Variants in DNAJC5 observed in about 807,000 individuals in gnomAD.
DNAJC5 encodes the protein dnaJ homolog subfamily C member 5.
Under a neutral mutation model 23.2 loss-of-function variants are expected in DNAJC5, and 1 was observed. That is an observed-to-expected ratio of 0.04 (90% CI 0.02 to 0.20). The LOEUF (loss-of-function observed/expected upper bound fraction) is 0.20. Ranked by LOEUF, DNAJC5 falls within the 10% of genes least tolerant of loss-of-function variation. The pLI is 1.00. For missense variants in DNAJC5, 180 were observed against 267.0 expected (o/e 0.67, Z 2.27); for synonymous variants, 136 against 120.0 (o/e 1.13, Z -0.87).
intron 1 of DNAJC5, among the ~76,000 whole-genome samples, chr20:63,904,978 A>G (rs534585362): frequency 3.3e-4 from 50 of 150,220 alleles, no homozygotes; most frequent in African/African-American, 1.2e-3. Flanking sequence ...TAATTTTTGT[A>G]TTTTTAGTCT....
chr20:63,897,222 C>T (rs978950983), intron 1 of DNAJC5, among the ~76,000 whole-genome samples: 2 of 152,042 alleles, frequency 1.3e-5, no homozygotes, highest in Non-Finnish European at 2.9e-5. Flanking sequence ...TGGTGAAACC[C>T]CATCTCTACT....
intron 1 of DNAJC5, among the ~76,000 whole-genome samples, chr20:63,924,010 A>G (rs1354067796): frequency 6.6e-6 from 1 of 152,120 alleles, no homozygotes; most frequent in Non-Finnish European, 1.5e-5. Flanking sequence ...TTTCAGTATG[A>G]ATCTATCTGA....
intron 1 of DNAJC5, among the ~76,000 whole-genome samples, chr20:63,895,842 T>G (rs1326214400): frequency 6.6e-6 from 1 of 152,266 alleles, no homozygotes; most frequent in African/African-American, 2.4e-5. Context: ...GCATTTGGTT[T>G]GTTAGAAAAA....
chr20:63,908,240 C>T (rs996868549), intron 1 of DNAJC5, among the ~76,000 whole-genome samples: 4 of 152,202 alleles, frequency 2.6e-5, no homozygotes, highest in African/African-American at 9.6e-5. Context: ...AGGTGGTGGC[C>T]AGCCATCACC....
At chr20:63,910,700 T>G in intron 1 of DNAJC5, among the ~76,000 whole-genome samples, 1 of 149,494 alleles carries the variant, frequency 6.7e-6, no homozygotes, top group African/African-American at 2.5e-5. Flanking sequence ...TGAGACAGAG[T>G]CTGACTCTGT....
Position 63,929,291 on chromosome 20 carries a change from G to A in DNAJC5, c.108-21G>A, listed in dbSNP as rs1325651285. The A allele has an allele frequency of 6.2e-7, 1 of 1,609,096 alleles. No homozygotes were observed. The highest frequency in any genetic ancestry group is 1.1e-5 in the South Asian group (1 of 90,584). On this transcript the variant is annotated intron_variant, in intron 2 of 4. Coordinates refer to ENST00000360864, the MANE Select transcript of DNAJC5 (RefSeq NM_025219.3). This position sits in a 1 kb window ranked among gnomAD's most constrained non-coding sequence, Gnocchi z 8.6. ...TGGAACAAAGTCCAGGGTAGAGCCA[G>A]GACATGGTTTTGGTTTGCAGGAAGC...
At position 63,921,497 on chromosome 20, in the gene DNAJC5, A is replaced by G. The variant is rs188880817; in HGVS notation, c.-11-6838A>G. Among the ~76,000 whole-genome samples the G allele has an allele frequency of 4.5e-3, 687 of 151,810 alleles. 3 individuals are homozygous for G. Among genetic ancestry groups the G allele is most frequent in the African/African-American group, 0.016 (656 of 41,446 alleles). The stretch of plus-strand genomic sequence containing the variant: ...TCCCAGCTACTCAGGAGGCTGAGGC[A>G]GAAGAATGGCGTGAACCCGGGAGGC... On this transcript the variant is annotated intron_variant, in intron 1 of 4. Transcript: ENST00000360864.
chr20:63,911,540 T>C (rs375579759), intron 1 of DNAJC5, among the ~76,000 whole-genome samples: 2 of 152,212 alleles, frequency 1.3e-5, no homozygotes, highest in African/African-American at 2.4e-5. Flanking sequence ...TTGGTGATGG[T>C]CGTGGAAGCA....
chr20:63,931,936 G>A lies in DNAJC5; in HGVS notation c.*368G>A, dbSNP rs1380079628. 1.4e-5 allele frequency: 5 copies of A among 363,134 alleles called. No individual in the cohort carries two copies. Among genetic ancestry groups the A allele is most frequent in the South Asian group, 6.6e-5 (3 of 45,384 alleles). The allele number at this position is 363,134 out of a possible 1,614,324, so 22.5% of individuals were successfully genotyped here. A position where few individuals can be genotyped will look rare whatever the true frequency, so the allele number is the denominator to read the frequency against. Reference sequence around the variant, plus strand: ...GGTGACTGCAGCCGGTCAGGTGGGCGAGGAGAAGGGGGGCTGCCCCTTTCC... The same window carrying A: ...GGTGACTGCAGCCGGTCAGGTGGGCAAGGAGAAGGGGGGCTGCCCCTTTCC... On this transcript the variant is annotated 3_prime_UTR_variant, in exon 5 of 5. Coordinates refer to ENST00000360864, the MANE Select transcript of DNAJC5 (RefSeq NM_025219.3). The surrounding 1 kb of genome is among the most constrained non-coding windows in gnomAD (Gnocchi z 9.6).
intron 1 of DNAJC5, among the ~76,000 whole-genome samples, chr20:63,900,419 C>T (rs1187811340): frequency 1.3e-5 from 2 of 151,568 alleles, no homozygotes; most frequent in Admixed American, 1.3e-4. Flanking sequence ...TGTACTAAAA[C>T]TAGAAACAAT....
In DNAJC5 at chr20:63,931,403, C is replaced by A; in HGVS notation, c.494-62C>A. The A allele has an allele frequency of 4.1e-6, 6 of 1,464,788 alleles. No individual in the cohort carries two copies. Among genetic ancestry groups the A allele is most frequent in the Non-Finnish European group, 5.5e-6 (6 of 1,082,604 alleles). The allele number at this position is 1,464,788 out of a possible 1,614,324, so 90.7% of individuals were successfully genotyped here. A position where few individuals can be genotyped will look rare whatever the true frequency, so the allele number is the denominator to read the frequency against. ...GGTGCCCGAAAGTCGCTCCACAGGA[C>A]CAGCGTTGGGTGCGCGCCAGGCTGT... On this transcript the variant is annotated intron_variant, in intron 4 of 4. Coordinates refer to ENST00000360864, the MANE Select transcript of DNAJC5 (RefSeq NM_025219.3). This position sits in a 1 kb window ranked among gnomAD's most constrained non-coding sequence, Gnocchi z 9.6.
At chr20:63,914,376 G>C (rs1299933059) in intron 1 of DNAJC5, among the ~76,000 whole-genome samples, 1 of 151,856 alleles carries the variant, frequency 6.6e-6, no homozygotes, top group South Asian at 2.1e-4. Flanking sequence ...GTGTAGTGGC[G>C]CGATCTCCGC....
intron 1 of DNAJC5, among the ~76,000 whole-genome samples, chr20:63,899,762 T>C (rs1011912003): frequency 1.3e-5 from 2 of 151,926 alleles, no homozygotes; most frequent in Admixed American, 6.6e-5. Flanking sequence ...TTTGTATTTT[T>C]AGTAGAGACA....
chr20:63,908,118 T>G (rs761802557), intron 1 of DNAJC5, among the ~76,000 whole-genome samples: 7 of 152,302 alleles, frequency 4.6e-5, no homozygotes, highest in South Asian at 2.1e-4. Flanking sequence ...TTGGTGCACC[T>G]TATACTTGGT....
chr20:63,913,000 G>T (rs1050201364), intron 1 of DNAJC5, among the ~76,000 whole-genome samples: 2 of 80,220 alleles, frequency 2.5e-5, no homozygotes, highest in African/African-American at 1.8e-4. Context: ...TTTCGTATTT[G>T]TATTTTTAGC....
intron 1 of DNAJC5, among the ~76,000 whole-genome samples, chr20:63,923,733 G>T (rs1323423257): frequency 1.3e-5 from 2 of 152,092 alleles, no homozygotes; most frequent in African/African-American, 4.8e-5. Flanking sequence ...AAGAAAGAAT[G>T]AGTTAACATT....
intron 1 of DNAJC5, among the ~76,000 whole-genome samples, chr20:63,925,841 T>C (rs1200211465): frequency 6.6e-6 from 1 of 150,470 alleles, no homozygotes; most frequent in Non-Finnish European, 1.5e-5. Flanking sequence ...TTTTTTTTTT[T>C]TTTTGAGACG....
chr20:63,925,535 G>A (rs2053605648), intron 1 of DNAJC5, among the ~76,000 whole-genome samples: 1 of 151,598 alleles, frequency 6.6e-6, no homozygotes, highest in African/African-American at 2.4e-5. Context: ...TGAAGGATGG[G>A]GATCAATCAG....
chr20:63,899,798 G>A (rs1011943037), intron 1 of DNAJC5, among the ~76,000 whole-genome samples: 3 of 151,540 alleles, frequency 2.0e-5, no homozygotes, highest in Admixed American at 6.6e-5. Context: ...AGCCAGGATG[G>A]TCTCGATCTC....
Sources: gnomAD v4.1 joint callset for allele counts (sites outside exome capture counted in the v4.1 genomes callset) on GRCh38, gnomAD v4.1.1 for gene constraint, Gnocchi (gnomAD v3.1) non-coding constraint, MANE v1.5 for transcripts, NCBI Gene and HGNC (gene_info 2026-07-23, HGNC 2026-07-21) for gene names.